AARSD1: variants seen among roughly 807,000 people sequenced by gnomAD.
AARSD1 encodes the protein alanyl-tRNA editing protein Aarsd1.
In AARSD1, 44 loss-of-function variants were observed where a neutral mutation model predicts 48.7. The observed-to-expected ratio is 0.90, with a 90% CI of 0.71 to 1.16. The LOEUF is 1.16. Among genes scored for constraint, AARSD1 ranks in the 50% most tolerant of loss-of-function variants. The pLI, the probability that AARSD1 is intolerant of heterozygous loss-of-function variation, is 0.00. For synonymous variants in AARSD1, 189 were observed against 194.9 expected (o/e 0.97, Z 0.25); for missense variants, 511 against 523.1 (o/e 0.98, Z 0.23).
At position 42,950,594 on chromosome 17, in the gene AARSD1, C is replaced by T. The variant is rs2049465607; in HGVS notation, c.1238G>A (p.Ter413=). Residue 413 remains the stop codon, a stop_retained_variant, in exon 12 of 12, where the codon TGA becomes TAA. Transcript: ENST00000427569. ...DYISTQSAKE[*] is the part of the protein sequence containing the mutation. Reference sequence around the variant, plus strand: ...ACAGGAGGTGAGTGCCCTAAGCCCTCACTCCTTAGCACTCTGCGTGCTGAT... The same window carrying T: ...ACAGGAGGTGAGTGCCCTAAGCCCTTACTCCTTAGCACTCTGCGTGCTGAT... The T allele has an allele frequency of 1.9e-6, 3 of 1,606,354 alleles. No individual in the cohort carries two copies. The highest frequency in any genetic ancestry group is 1.3e-5 in the African/African-American group (1 of 74,682).
rs2049680998 is a variant in AARSD1, at chr17:42,964,247, G to A, written c.40-10C>T. The stretch of plus-strand genomic sequence containing the variant: ...CCACGGTGGTGGTGAACTGAACAGA[G>A]AGGAATGAGAGAATAAGCCCCGACC... On this transcript the variant is annotated splice_polypyrimidine_tract_variant and intron_variant, in intron 1 of 11. Transcript: ENST00000427569. 6.9e-6 allele frequency: 11 copies of A among 1,603,066 alleles called. No homozygotes were observed. The highest frequency in any genetic ancestry group is 2.8e-5 in the African/African-American group (2 of 70,726).
chr17:42,956,286 C>A lies in AARSD1; in HGVS notation c.581G>T (p.Gly194Val), dbSNP rs757599546. 1.2e-6 allele frequency: 2 copies of A among 1,614,074 alleles called. No individual in the cohort carries two copies. Among genetic ancestry groups the A allele is most frequent in the Non-Finnish European group, 1.7e-6 (2 of 1,180,018 alleles). The change falls in exon 6 of 12, where the codon GGG (glycine) becomes GTG (valine). Residue 194 changes from glycine (G) to valine (V), a missense_variant. By Grantham distance (109) the Gly-to-Val change is moderately radical. Coordinates refer to ENST00000427569, the MANE Select transcript of AARSD1 (RefSeq NM_001261434.2). ...CTCGATGTTAACAACCCGAATGGGCCCAGCATGATCATCAGGCAAACCCCG... is the reference window on the plus strand; with the variant it reads ...CTCGATGTTAACAACCCGAATGGGCACAGCATGATCATCAGGCAAACCCCG... The part of the protein sequence containing the change: ...SGRGLPDDHA[G>V]PIRVVNIEGV...
At chr17:42,962,187 C>T in intron 2 of AARSD1, 1 of 279,606 alleles carries the variant, frequency 3.6e-6, no homozygotes. Flanking sequence ...GTAGTCCTAG[C>T]TACTCGGGAG....
intron 3 of AARSD1, among the ~76,000 whole-genome samples, chr17:42,959,898 A>C (rs997315832): frequency 6.6e-6 from 1 of 151,232 alleles, no homozygotes; most frequent in Non-Finnish European, 1.5e-5. Context: ...TCTTAACTTC[A>C]TGATCTGCCC....
At position 42,961,221 on chromosome 17, in the gene AARSD1, C is replaced by T. The variant is rs753673024; in HGVS notation, c.302G>A (p.Arg101Gln). 32 of 1,613,578 alleles carry T rather than the reference C, an allele frequency of 2.0e-5. No homozygotes were observed. The highest frequency in any genetic ancestry group is 1.0e-4 in the Admixed American group (6 of 59,906). Residue 101 changes from arginine to glutamine, a missense_variant, in exon 3 of 12, where the codon CGG becomes CAG. By Grantham distance (43) the Arg-to-Gln change is conservative. Coordinates refer to ENST00000427569, the MANE Select transcript of AARSD1 (RefSeq NM_001261434.2). Reference sequence around the variant, plus strand: ...ATGCTGCTGCATGTGGTCAAACCTCCGCTCCCAATCTACCCGGACCAGAAC... The same window carrying T: ...ATGCTGCTGCATGTGGTCAAACCTCTGCTCCCAATCTACCCGGACCAGAAC... ...SQVLVRVDWE[R>Q]RFDHMQQHSG...
chr17:42,962,246 G>T, intron 2 of AARSD1: 1 of 281,656 alleles, frequency 3.6e-6, no homozygotes. Context: ...ATTGCAGTAA[G>T]CCGAGATCAC....
At chr17:42,954,627 G>T (rs2049522461) in intron 9 of AARSD1, among the ~76,000 whole-genome samples, 1 of 152,014 alleles carries the variant, frequency 6.6e-6, no homozygotes, top group Non-Finnish European at 1.5e-5. Flanking sequence ...TAGAGAAGGG[G>T]TTTCACCATG....
intron 2 of AARSD1, 26 bp downstream of exon 2, chr17:42,964,080 T>C: frequency 6.2e-7 from 1 of 1,613,566 alleles, no homozygotes; most frequent in Non-Finnish European, 8.5e-7. Context: ...AACTGGGGGC[T>C]TCCTGGGAAG....
At chr17:42,960,923 GAA>G in intron 3 of AARSD1, 1 of 381,236 alleles carries the variant, frequency 2.6e-6, no homozygotes, top group Non-Finnish European at 4.4e-6. Flanking sequence ...TTTTGAGTTT[GAA>G]AAGGCTGTGA....
In AARSD1 at chr17:42,961,332, AT is replaced by A; in HGVS notation, c.190del (p.Ile64SerfsTer7). The A allele has an allele frequency of 1.2e-6, 2 of 1,614,088 alleles. No homozygotes were observed. The highest frequency in any genetic ancestry group is 4.5e-5 in the East Asian group (2 of 44,880). ...GGGQPDDRGT[I>X]NDISVLRVTR... ...CACTCTCAGCACAGAGATGTCATTG[AT>A]TGTACCACGGTCATCAGGCTGGTGG... On this transcript the variant is annotated frameshift_variant, in exon 3 of 12. Transcript: ENST00000427569. LOFTEE classifies it high-confidence loss of function.
intron 2 of AARSD1, among the ~76,000 whole-genome samples, chr17:42,963,587 T>C (rs1458181432): frequency 1.3e-5 from 2 of 151,996 alleles, no homozygotes; most frequent in Non-Finnish European, 2.9e-5. Flanking sequence ...AACCCGTCTA[T>C]CTCACCTGAA....
rs1462328086 is a variant in AARSD1 at position 42,954,974 on chromosome 17, T to C, written c.862-7A>G. Reference sequence around the variant, plus strand: ...TGAGCAGATTCAGGTTATTCTGAAATGGATATGGTAACTCAGTAGATAAAT... The same window carrying C: ...TGAGCAGATTCAGGTTATTCTGAAACGGATATGGTAACTCAGTAGATAAAT... On this transcript the variant is annotated splice_polypyrimidine_tract_variant and splice_region_variant and intron_variant, in intron 8 of 11. Coordinates refer to ENST00000427569, the MANE Select transcript of AARSD1 (RefSeq NM_001261434.2). The C allele has an allele frequency of 1.9e-6, 3 of 1,614,030 alleles. No homozygotes were observed. Among genetic ancestry groups the C allele is most frequent in the Non-Finnish European group, 2.5e-6 (3 of 1,180,030 alleles).
intron 2 of AARSD1, 136 bp from the exon 3 acceptor site, chr17:42,961,487 G>A: frequency 8.0e-7 from 1 of 1,250,706 alleles, no homozygotes; most frequent in Non-Finnish European, 1.1e-6. Context: ...CAAGTGAAAT[G>A]AGTCCACTTT....
Position 42,955,501 on chromosome 17 carries a change from C to T in AARSD1, c.795-277G>A, listed in dbSNP as rs1001147961. On this transcript the variant is annotated intron_variant, in intron 7 of 11. Transcript: ENST00000427569. ...TCGCCCAGGCTGGAGTGCAGTGGAA[C>T]GATCTTGGCTCACTGCAAGCTCCAC... 171 of 424,262 alleles carry T rather than the reference C, an allele frequency of 4.0e-4. 1 individual carries two copies. Among genetic ancestry groups the T allele is most frequent in the Admixed American group, 1.7e-4 (4 of 23,744 alleles). The allele number at this position is 424,262 out of a possible 1,614,324, so 26.3% of individuals were successfully genotyped here.
intron 11 of AARSD1, 58 bp downstream of exon 11, chr17:42,951,742 A>C: frequency 1.3e-6 from 2 of 1,570,128 alleles, no homozygotes. Flanking sequence ...TCAGTAAAGG[A>C]ATGTATTTGT....
rs2049685780 is a variant in AARSD1 at position 42,964,425 on chromosome 17, G to A, written c.16C>T (p.Gln6Ter). 5 of 1,550,946 alleles carry A rather than the reference G, an allele frequency of 3.2e-6. No homozygotes were observed. The highest frequency in any genetic ancestry group is 4.4e-6 in the Non-Finnish European group (5 of 1,147,086). MAFWC[Q>*]RDSYAREFTT... is the part of the protein sequence containing the mutation. ...ACCTCTCGGGCATAACTGTCACGCTGACACCAGAACGCCATACCTGCAGGC... is the reference window on the plus strand; with the variant it reads ...ACCTCTCGGGCATAACTGTCACGCTAACACCAGAACGCCATACCTGCAGGC... Residue 6 changes from glutamine (Q) to a stop codon, truncating the protein, a stop_gained, in exon 1 of 12, where the codon CAG becomes TAG. Coordinates refer to ENST00000427569, the MANE Select transcript of AARSD1 (RefSeq NM_001261434.2). LOFTEE classifies it high-confidence loss of function.
chr17:42,957,726 C>T (rs528760281), intron 3 of AARSD1, among the ~76,000 whole-genome samples: 16 of 152,216 alleles, frequency 1.1e-4, no homozygotes, highest in Admixed American at 4.6e-4. Flanking sequence ...CTGCCTTGGC[C>T]TCCCAAAATG....
chr17:42,963,884 G>T (rs2049673045), intron 2 of AARSD1, among the ~76,000 whole-genome samples: 1 of 152,098 alleles, frequency 6.6e-6, no homozygotes. Flanking sequence ...GTATATAAAG[G>T]CACTGTGTTG....
chr17:42,950,783 AC>A, intron 11 of AARSD1, 55 bp from the exon 12 acceptor site: 1 of 1,569,914 alleles, frequency 6.4e-7, no homozygotes, highest in Non-Finnish European at 8.6e-7. Flanking sequence ...ACAAAAAAAA[AC>A]AAGGGCAGCT....
Sources: gnomAD v4.1 joint callset for allele counts (sites outside exome capture counted in the v4.1 genomes callset) on GRCh38, gnomAD v4.1.1 for gene constraint, MANE v1.5 for transcripts, NCBI Gene and HGNC (gene_info 2026-07-23, HGNC 2026-07-21) for gene names.